ZSWIM5: variants seen among roughly 807,000 people sequenced by gnomAD.
ZSWIM5 encodes the protein zinc finger SWIM-type containing 5.
Under a neutral mutation model 119.6 loss-of-function variants are expected in ZSWIM5, and 55 were observed. That is an observed-to-expected ratio of 0.46 (90% CI 0.37 to 0.58). The LOEUF (loss-of-function observed/expected upper bound fraction) is 0.58, where lower values mean the gene tolerates loss of function less well. ZSWIM5 is among the 20% of genes least tolerant of loss of function. ZSWIM5 has a pLI of 0.00. For synonymous variants in ZSWIM5, 537 were observed against 606.9 expected (o/e 0.88, Z 1.69); for missense variants, 1,193 against 1,512.8 (o/e 0.79, Z 3.51).
intron 1 of ZSWIM5, among the ~76,000 whole-genome samples, chr1:45,166,849 A>C (rs1460783211): frequency 2.0e-5 from 3 of 152,186 alleles, no homozygotes; most frequent in African/African-American, 7.2e-5. Flanking sequence ...AGAACATTCC[A>C]TGCTCATGGA....
At chr1:45,131,273 C>T (rs1645654833) in intron 1 of ZSWIM5, among the ~76,000 whole-genome samples, 1 of 152,084 alleles carries the variant, frequency 6.6e-6, no homozygotes, top group African/African-American at 2.4e-5. Context: ...GATCTCTTTA[C>T]ATTATTTCTT....
At chr1:45,108,279 C>G (rs932676058) in intron 1 of ZSWIM5, among the ~76,000 whole-genome samples, 2 of 152,104 alleles carry the variant, frequency 1.3e-5, no homozygotes, top group African/African-American at 4.8e-5. Flanking sequence ...AAAAGGGCAA[C>G]ATATAATTGT....
intron 1 of ZSWIM5, among the ~76,000 whole-genome samples, chr1:45,171,607 T>C (rs1393351046): frequency 1.3e-5 from 2 of 152,082 alleles, no homozygotes; most frequent in East Asian, 3.8e-4. Context: ...CATCATACTA[T>C]TATAATTCCA....
At chr1:45,063,907 G>A (rs191509669) in intron 2 of ZSWIM5, among the ~76,000 whole-genome samples, 50 of 152,040 alleles carry the variant, frequency 3.3e-4, no homozygotes, top group East Asian at 2.1e-3. Flanking sequence ...GTGTGAACCC[G>A]GAAGGCGGAG....
chr1:45,163,247 C>A (rs1645876376), intron 1 of ZSWIM5, among the ~76,000 whole-genome samples: 1 of 152,238 alleles, frequency 6.6e-6, no homozygotes, highest in Admixed American at 6.5e-5. Flanking sequence ...AACAGACCTG[C>A]AGCTGAGGGT....
chr1:45,189,763 A>G (rs1179023798), intron 1 of ZSWIM5, among the ~76,000 whole-genome samples: 1 of 152,222 alleles, frequency 6.6e-6, no homozygotes, highest in African/African-American at 2.4e-5. Context: ...CTCAAAAAAC[A>G]AAACAAAACA....
At chr1:45,164,436 C>G (rs1645886984) in intron 1 of ZSWIM5, among the ~76,000 whole-genome samples, 1 of 152,096 alleles carries the variant, frequency 6.6e-6, no homozygotes, top group African/African-American at 2.4e-5. Context: ...AACCAGCTAA[C>G]ATCATAATGA....
intron 2 of ZSWIM5, among the ~76,000 whole-genome samples, chr1:45,081,345 C>T (rs1645289090): frequency 6.6e-6 from 1 of 152,046 alleles, no homozygotes; most frequent in African/African-American, 2.4e-5. Flanking sequence ...TTTCCACGGT[C>T]TCCCTCTCAC....
chr1:45,054,770 G>T (rs1174549000), intron 4 of ZSWIM5, among the ~76,000 whole-genome samples: 2 of 152,100 alleles, frequency 1.3e-5, no homozygotes, highest in African/African-American at 4.8e-5. Context: ...TAACTCTGAG[G>T]ATCAACAGGT....
chr1:45,095,039 G>A (rs766775110), intron 1 of ZSWIM5, among the ~76,000 whole-genome samples: 26 of 151,924 alleles, frequency 1.7e-4, no homozygotes, highest in Admixed American at 8.5e-4. Flanking sequence ...CATTTCATTG[G>A]TAAACACCTC....
chr1:45,046,333 A>G (rs1015485472), intron 5 of ZSWIM5, among the ~76,000 whole-genome samples: 6 of 152,224 alleles, frequency 3.9e-5, no homozygotes, highest in African/African-American at 1.2e-4. Flanking sequence ...TGGCAGAGAA[A>G]TAAAGAGTGG....
At chr1:45,109,696 G>A (rs533121908) in intron 1 of ZSWIM5, among the ~76,000 whole-genome samples, 1 of 150,076 alleles carries the variant, frequency 6.7e-6, no homozygotes, top group Non-Finnish European at 1.5e-5. Context: ...GGTGAGCCAA[G>A]ATCGAGCCAC....
intron 1 of ZSWIM5, among the ~76,000 whole-genome samples, chr1:45,131,995 G>A (rs924218542): frequency 2.0e-5 from 3 of 150,876 alleles, no homozygotes; most frequent in Non-Finnish European, 4.4e-5. Flanking sequence ...ACTGAAACTT[G>A]ACGGATACTA....
chr1:45,094,506 C>A (rs1314622930), intron 1 of ZSWIM5, among the ~76,000 whole-genome samples: 1 of 151,658 alleles, frequency 6.6e-6, no homozygotes, highest in African/African-American at 2.4e-5. Flanking sequence ...ACTTTGGGAG[C>A]CCAAGGTGGG....
chr1:45,170,209 AT>A (rs1337361993), intron 1 of ZSWIM5, among the ~76,000 whole-genome samples: 3 of 152,102 alleles, frequency 2.0e-5, no homozygotes, highest in Non-Finnish European at 4.4e-5. Context: ...TGATTTATAA[AT>A]AAGTATGTAA....
intron 1 of ZSWIM5, among the ~76,000 whole-genome samples, chr1:45,166,492 T>G (rs1645904528): frequency 6.6e-6 from 1 of 151,942 alleles, no homozygotes; most frequent in Non-Finnish European, 1.5e-5. Flanking sequence ...GAGAAAGAAA[T>G]AAAGGGTACT....
At chr1:45,131,415 G>A (rs1228953400) in intron 1 of ZSWIM5, among the ~76,000 whole-genome samples, 1 of 152,076 alleles carries the variant, frequency 6.6e-6, no homozygotes, top group East Asian at 1.9e-4. Context: ...CAGTGGTGGG[G>A]AAGTCAGGCA....
chr1:45,121,741 T>A (rs909251198), intron 1 of ZSWIM5, among the ~76,000 whole-genome samples: 1 of 151,982 alleles, frequency 6.6e-6, no homozygotes, highest in East Asian at 1.9e-4. Context: ...TATGGGTATG[T>A]GTCACCACAC....
intron 1 of ZSWIM5, among the ~76,000 whole-genome samples, chr1:45,121,563 T>C (rs530327650): frequency 6.6e-6 from 1 of 151,922 alleles, no homozygotes; most frequent in South Asian, 2.1e-4. Flanking sequence ...TCTTTCTTTA[T>C]CCACTCATTT....
Sources: gnomAD v4.1 joint callset for allele counts (sites outside exome capture counted in the v4.1 genomes callset) on GRCh38, gnomAD v4.1.1 for gene constraint, MANE v1.5 for transcripts, NCBI Gene and HGNC (gene_info 2026-07-23, HGNC 2026-07-21) for gene names.